The following GPC5 variants were observed in gnomAD, a reference collection of about 807,000 sequenced individuals.
GPC5 encodes the protein glypican-5.
GPC5 carries 47 observed loss-of-function variants against 53.9 expected under a neutral mutation model. The ratio of observed to expected loss-of-function variants is 0.87; its 90% CI spans 0.69 to 1.11. The LOEUF is 1.11. GPC5 is among the 50% of genes most tolerant of loss of function. The pLI is 0.00. For synonymous variants in GPC5, 286 were observed against 263.3 expected, an observed-to-expected ratio of 1.09 and a Z score of -0.84; for missense variants, 748 against 713.1, an observed-to-expected ratio of 1.05 and a Z score of -0.56.
chr13:91,842,468 C>T (rs888477525), intron 5 of GPC5, among the ~76,000 whole-genome samples: 2 of 148,186 alleles, frequency 1.3e-5, no homozygotes, highest in African/African-American at 5.0e-5. Context: ...TTTGGGAGGC[C>T]GAGACGGGCG....
chr13:92,450,684 G>A (rs955806083), intron 7 of GPC5, among the ~76,000 whole-genome samples: 5 of 152,154 alleles, frequency 3.3e-5, no homozygotes, highest in Non-Finnish European at 5.9e-5. Flanking sequence ...CTGAACACTT[G>A]AGGACAAATG....
chr13:91,677,446 A>G (rs991924423), intron 2 of GPC5, among the ~76,000 whole-genome samples: 1 of 152,160 alleles, frequency 6.6e-6, no homozygotes, highest in Non-Finnish European at 1.5e-5. Context: ...TAGATATACA[A>G]TTGGGCACTG....
intron 5 of GPC5, among the ~76,000 whole-genome samples, chr13:91,773,988 G>T (rs2037667990): frequency 6.6e-6 from 1 of 152,050 alleles, no homozygotes; most frequent in African/African-American, 2.4e-5. Flanking sequence ...GTTGTTCTGG[G>T]ATTCCTAATT....
At chr13:92,159,702 A>G (rs1456290112) in intron 7 of GPC5, among the ~76,000 whole-genome samples, 1 of 140,058 alleles carries the variant, frequency 7.1e-6, no homozygotes, top group East Asian at 2.1e-4. Flanking sequence ...TCCCGGGTTC[A>G]CGCCATTCTC....
chr13:91,821,424 T>A (rs1274445386), intron 5 of GPC5, among the ~76,000 whole-genome samples: 1 of 152,220 alleles, frequency 6.6e-6, no homozygotes, highest in Non-Finnish European at 1.5e-5. Flanking sequence ...CCCACTTTTT[T>A]CAATCCTTAT....
intron 2 of GPC5, among the ~76,000 whole-genome samples, chr13:91,670,691 GT>G (rs1230763795): frequency 3.9e-5 from 6 of 152,152 alleles, no homozygotes; most frequent in Non-Finnish European, 8.8e-5. Context: ...AGAAGCTCAT[GT>G]TTTGTCAGTT....
intron 2 of GPC5, among the ~76,000 whole-genome samples, chr13:91,473,473 G>C (rs1045142287): frequency 2.0e-5 from 3 of 152,012 alleles, no homozygotes; most frequent in East Asian, 1.9e-4. Flanking sequence ...TACAGTACAG[G>C]GTTCCCTTTT....
intron 7 of GPC5, among the ~76,000 whole-genome samples, chr13:92,666,311 A>G (rs34783515): frequency 0.24 from 36,171 of 152,026 alleles, 5,000 homozygotes; most frequent in South Asian, 0.39. Context: ...TAAATGATAC[A>G]TAGCCACTGT....
intron 6 of GPC5, among the ~76,000 whole-genome samples, chr13:92,106,615 G>A (rs959647876): frequency 2.0e-5 from 3 of 152,140 alleles, no homozygotes; most frequent in South Asian, 2.1e-4. Context: ...GATACAAAGC[G>A]TAAAAGAGAA....
intron 7 of GPC5, among the ~76,000 whole-genome samples, chr13:92,715,033 C>G (rs1888281533): frequency 1.3e-5 from 2 of 152,120 alleles, no homozygotes; most frequent in African/African-American, 4.8e-5. Context: ...CCACTGCACT[C>G]CAGCCTGGAC....
chr13:92,622,486 T>A (rs1012731332), intron 7 of GPC5, among the ~76,000 whole-genome samples: 5 of 152,202 alleles, frequency 3.3e-5, no homozygotes, highest in Admixed American at 3.3e-4. Flanking sequence ...ACCTCGAATG[T>A]TGTGCCTGGA....
intron 7 of GPC5, among the ~76,000 whole-genome samples, chr13:92,824,340 C>G (rs557691851): frequency 1.3e-5 from 2 of 152,178 alleles, no homozygotes; most frequent in East Asian, 3.9e-4. Flanking sequence ...CCAGGGCCAC[C>G]TTTCTAAACT....
intron 6 of GPC5, among the ~76,000 whole-genome samples, chr13:91,929,587 T>A (rs1196657134): frequency 6.6e-6 from 1 of 152,124 alleles, no homozygotes; most frequent in Admixed American, 6.6e-5. Context: ...GAACAGTTAC[T>A]TCATTTGAAA....
chr13:91,767,612 G>A (rs1432586500), intron 5 of GPC5, among the ~76,000 whole-genome samples: 1 of 152,246 alleles, frequency 6.6e-6, no homozygotes, highest in South Asian at 2.1e-4. Context: ...AAGGAAATAG[G>A]TATTTTAAAC....
chr13:91,948,891 T>G (rs974531666), intron 6 of GPC5, among the ~76,000 whole-genome samples: 1 of 152,244 alleles, frequency 6.6e-6, no homozygotes, highest in Non-Finnish European at 1.5e-5. Flanking sequence ...GTCATGTTTT[T>G]GTTTTTTCTT....
At chr13:92,413,972 T>C (rs1876166847) in intron 7 of GPC5, among the ~76,000 whole-genome samples, 1 of 152,242 alleles carries the variant, frequency 6.6e-6, no homozygotes, top group African/African-American at 2.4e-5. Context: ...CCCATTTTTC[T>C]AATTTTTTCT....
intron 2 of GPC5, among the ~76,000 whole-genome samples, chr13:91,475,297 G>C (rs951044466): frequency 6.6e-5 from 10 of 152,068 alleles, no homozygotes; most frequent in African/African-American, 2.4e-4. Context: ...TGAACACAAA[G>C]TGAAGAAAAA....
intron 6 of GPC5, among the ~76,000 whole-genome samples, chr13:92,010,274 C>T (rs2040648938): frequency 6.6e-6 from 1 of 152,152 alleles, no homozygotes; most frequent in African/African-American, 2.4e-5. Context: ...CTCCCCCAGC[C>T]TCAAAGTAAA....
At chr13:91,640,689 C>T (rs9523391) in intron 2 of GPC5, among the ~76,000 whole-genome samples, 74,215 of 151,688 alleles carry the variant, frequency 0.49, 21,041 homozygotes, top group Non-Finnish European at 0.61. Flanking sequence ...ATCCCAGCTA[C>T]TCAGGAGTCT....
Sources: gnomAD v4.1 joint callset for allele counts (sites outside exome capture counted in the v4.1 genomes callset) on GRCh38, gnomAD v4.1.1 for gene constraint, MANE v1.5 for transcripts, NCBI Gene and HGNC (gene_info 2026-07-23, HGNC 2026-07-21) for gene names.